IL1RAP: variants seen among roughly 807,000 people sequenced by gnomAD.
IL1RAP encodes the protein interleukin-1 receptor accessory protein.
IL1RAP carries 35 observed loss-of-function variants against 60.7 expected under a neutral mutation model. That is an observed-to-expected ratio of 0.58 (90% CI 0.44 to 0.76). The LOEUF (loss-of-function observed/expected upper bound fraction) is 0.76. Ranked by LOEUF, IL1RAP falls within the 30% of genes least tolerant of loss-of-function variation. IL1RAP has a pLI of 0.00. For synonymous variants in IL1RAP, 268 were observed against 250.9 expected, an observed-to-expected ratio of 1.07 and a Z score of -0.64; for missense variants, 572 against 693.9, an observed-to-expected ratio of 0.82 and a Z score of 1.97.
At chr3:190,630,115 A>G (rs963711403) in intron 9 of IL1RAP, 3 of 768,034 alleles carry the variant, frequency 3.9e-6, no homozygotes, top group South Asian at 1.2e-4. Flanking sequence ...AACACTATGT[A>G]TCAATATTTA....
intron 4 of IL1RAP, among the ~76,000 whole-genome samples, chr3:190,605,313 G>A (rs1339297706): frequency 7.0e-6 from 1 of 142,056 alleles, no homozygotes; most frequent in East Asian, 2.0e-4. Context: ...TTTTTTTTCT[G>A]CATTAATGTT....
At chr3:190,601,390 G>A (rs1729846953) in intron 3 of IL1RAP, among the ~76,000 whole-genome samples, 1 of 152,200 alleles carries the variant, frequency 6.6e-6, no homozygotes, top group South Asian at 2.1e-4. Context: ...TTACAAGTGT[G>A]CATTGATGTG....
chr3:190,659,468 C>T (rs1577844084), exon 12 of IL1RAP: 1 of 152,264 alleles, frequency 6.6e-6, no homozygotes, highest in East Asian at 1.9e-4. Flanking sequence ...CTTGACCTGA[C>T]ATGCCAAATT....
chr3:190,553,683 C>T (rs1000454926), intron 1 of IL1RAP, among the ~76,000 whole-genome samples: 5 of 152,250 alleles, frequency 3.3e-5, no homozygotes, highest in South Asian at 2.1e-4. Context: ...GGACTGAGGC[C>T]GTCTTTTCTG....
intron 3 of IL1RAP, among the ~76,000 whole-genome samples, chr3:190,588,647 T>C (rs573308448): frequency 6.6e-6 from 1 of 152,322 alleles, no homozygotes; most frequent in Admixed American, 6.5e-5. Context: ...ATTTTCCTGG[T>C]CTTTCATCTA....
rs1734287005 is a variant in IL1RAP, at chr3:190,649,852, A to G, written c.*1147A>G. On this transcript the variant is annotated 3_prime_UTR_variant, in exon 12 of 12. Coordinates refer to ENST00000447382, the MANE Select transcript of IL1RAP (RefSeq NM_002182.4). ...AATGAAAGTTGTTTTGTTTGTTTTC[A>G]GTAATATTTTGCTGTTTTTAAGACT... 6.1e-6 allele frequency: 6 copies of G among 985,304 alleles called. No homozygotes were observed. Among genetic ancestry groups the G allele is most frequent in the Non-Finnish European group, 7.2e-6 (6 of 829,854 alleles). 61.0% of individuals were successfully genotyped at this position (985,304 alleles called of 1,614,324 possible). A position where few individuals can be genotyped will look rare whatever the true frequency, so the allele number is the denominator to read the frequency against.
chr3:190,657,058 A>G (rs914770001), exon 12 of IL1RAP: 5 of 153,400 alleles, frequency 3.3e-5, no homozygotes, highest in South Asian at 4.1e-4. Context: ...GAAGCTCAAC[A>G]GAAAACCTAC....
intron 1 of IL1RAP, among the ~76,000 whole-genome samples, chr3:190,544,217 G>A (rs972012554): frequency 2.6e-5 from 4 of 152,054 alleles, no homozygotes; most frequent in Non-Finnish European, 5.9e-5. Context: ...TTTTATCATT[G>A]GAAAAATAAA....
At chr3:190,597,097 G>A (rs1044325947) in intron 3 of IL1RAP, among the ~76,000 whole-genome samples, 1 of 152,080 alleles carries the variant, frequency 6.6e-6, no homozygotes, top group Non-Finnish European at 1.5e-5. Flanking sequence ...ATATTCATTT[G>A]GTCCATGAAA....
intron 1 of IL1RAP, among the ~76,000 whole-genome samples, chr3:190,552,914 G>A (rs549484626): frequency 3.9e-5 from 6 of 152,210 alleles, no homozygotes; most frequent in East Asian, 3.9e-4. Flanking sequence ...TAAGCTGAGC[G>A]GTCCTTAAGA....
intron 3 of IL1RAP, among the ~76,000 whole-genome samples, chr3:190,603,590 G>A (rs1008150539): frequency 1.3e-5 from 2 of 152,110 alleles, no homozygotes; most frequent in Non-Finnish European, 2.9e-5. Context: ...GATATATTGG[G>A]TTTAACAAAA....
chr3:190,645,497 G>A (rs1219809835), intron 10 of IL1RAP, among the ~76,000 whole-genome samples: 1 of 152,196 alleles, frequency 6.6e-6, no homozygotes, highest in Admixed American at 6.5e-5. Context: ...CCTGTAAGAT[G>A]AGAGTTGAGG....
At chr3:190,536,579 T>C (rs1200269678) in intron 1 of IL1RAP, among the ~76,000 whole-genome samples, 1 of 152,120 alleles carries the variant, frequency 6.6e-6, no homozygotes, top group Non-Finnish European at 1.5e-5. Flanking sequence ...CTAAAGGTGG[T>C]TGAAAATGAC....
At chr3:190,539,230 G>C (rs534148124) in intron 1 of IL1RAP, among the ~76,000 whole-genome samples, 8 of 152,244 alleles carry the variant, frequency 5.3e-5, no homozygotes, top group Admixed American at 4.6e-4. Context: ...CTATATCTGT[G>C]TATCTGTGAT....
At chr3:190,635,227 C>T (rs543347845) in intron 9 of IL1RAP, among the ~76,000 whole-genome samples, 1 of 152,150 alleles carries the variant, frequency 6.6e-6, no homozygotes, top group Admixed American at 6.5e-5. Flanking sequence ...ACTGTCACTC[C>T]TGATATTAGT....
intron 3 of IL1RAP, among the ~76,000 whole-genome samples, chr3:190,596,176 T>G (rs982736569): frequency 3.3e-5 from 5 of 152,236 alleles, no homozygotes; most frequent in African/African-American, 1.2e-4. Flanking sequence ...GTTTCCTGAT[T>G]TTTTATACTT....
intron 7 of IL1RAP, 36 bp from the exon 8 acceptor site, chr3:190,627,287 T>A (rs1577770586): frequency 1.4e-6 from 2 of 1,442,540 alleles, no homozygotes; most frequent in African/African-American, 3.9e-5. Context: ...TTGTTTTGTT[T>A]TTTGTTTTTT....
At chr3:190,533,214 C>T (rs1723143243) in intron 1 of IL1RAP, among the ~76,000 whole-genome samples, 1 of 152,002 alleles carries the variant, frequency 6.6e-6, no homozygotes, top group Admixed American at 6.5e-5. Flanking sequence ...TTGGGTCCAG[C>T]TCAACATAAA....
intron 9 of IL1RAP, among the ~76,000 whole-genome samples, chr3:190,637,108 G>A (rs1254080153): frequency 6.6e-6 from 1 of 151,850 alleles, no homozygotes; most frequent in African/African-American, 2.4e-5. Context: ...ATACATTTTG[G>A]TTTTGCATGA....
Sources: allele counts gnomAD v4.1 joint callset (sites outside exome capture counted in the v4.1 genomes callset), GRCh38; gene constraint gnomAD v4.1.1; transcripts MANE v1.5; gene names NCBI Gene and HGNC (gene_info 2026-07-23, HGNC 2026-07-21).